Variants in KIF1B observed in about 807,000 individuals in gnomAD.
KIF1B encodes the protein kinesin family member 1B, also known as kinesin-like protein KIF1B.
Under a neutral mutation model 241.9 loss-of-function variants are expected in KIF1B, and 76 were observed. The ratio of observed to expected loss-of-function variants is 0.31; its 90% CI spans 0.26 to 0.38. KIF1B has a LOEUF of 0.38. Among genes scored for constraint, KIF1B ranks in the 10% least tolerant of loss-of-function variants. The pLI is 1.00. For missense variants in KIF1B, 1,622 were observed against 2,271.4 expected, an observed-to-expected ratio of 0.71 and a Z score of 5.81; for synonymous variants, 750 against 796.7, an observed-to-expected ratio of 0.94 and a Z score of 0.99.
rs1482982462 is a variant in KIF1B, at chr1:10,210,657, G to T, written c.-301G>T. The T allele has an allele frequency of 6.6e-6, 1 of 152,202 alleles. No homozygotes were observed. Among genetic ancestry groups the T allele is most frequent in the Non-Finnish European group, 1.5e-5 (1 of 68,468 alleles). 9.4% of individuals were successfully genotyped at this position (152,202 alleles called of 1,614,324 possible). On this transcript the variant is annotated 5_prime_UTR_variant, in exon 1 of 49. Transcript: ENST00000676179. The surrounding 1 kb of genome is among the most constrained non-coding windows in gnomAD (Gnocchi z 4.1). ...AGCCGTCACCGCCGGCCGTCGCCGC[G>T]CCCTGGCCTCCCGCACTCGCGCACT... is the stretch of plus-strand genomic sequence containing the variant.
intron 40 of KIF1B, among the ~76,000 whole-genome samples, chr1:10,362,530 A>G (rs1638452631): frequency 6.6e-6 from 1 of 151,694 alleles, no homozygotes; most frequent in South Asian, 2.1e-4. Flanking sequence ...AAGAAACAAT[A>G]CAATGAATAC....
At chr1:10,345,754 G>C (rs1652565213) in intron 34 of KIF1B, 91 bp from the exon 35 acceptor site, 1 of 907,652 alleles carries the variant, frequency 1.1e-6, no homozygotes, top group Admixed American at 2.0e-5. Flanking sequence ...CCTTTCCCAA[G>C]TATGTCTTTA....
At chr1:10,342,401 A>G (rs868623719) in intron 33 of KIF1B, among the ~76,000 whole-genome samples, 1 of 152,236 alleles carries the variant, frequency 6.6e-6, no homozygotes, top group Non-Finnish European at 1.5e-5. Flanking sequence ...TTTTGTAGGA[A>G]GAGACTTTGA....
rs577076950 is a variant in KIF1B at position 10,271,170 on chromosome 1, CTT to C, written c.721-322_721-321del. Among the ~76,000 whole-genome samples, 7 of 142,042 alleles carry C rather than the reference CTT, an allele frequency of 4.9e-5. No individual in the cohort carries two copies. The East Asian group carries it at 1.2e-3, about 25-fold the overall frequency. 93.2% of individuals were successfully genotyped at this position (142,042 alleles called of 152,430 possible). A position where few individuals can be genotyped will look rare whatever the true frequency, so the allele number is the denominator to read the frequency against. On this transcript the variant is annotated intron_variant, in intron 7 of 48. Transcript: ENST00000676179. ...AATTGCTATGAATTTTGTGCATGCT[CTT>C]TTTTTTTTTAATTAAAAAAAATTTT...
At position 10,374,424 on chromosome 1, in the gene KIF1B, A is replaced by G. The variant is rs1638830108; in HGVS notation, c.5055A>G (p.Glu1685=). Residue 1685 remains glutamate (E), a synonymous_variant, in exon 46 of 49, where the codon GAA becomes GAG. Transcript: ENST00000676179. This position sits in a 1 kb window ranked among gnomAD's most constrained non-coding sequence, Gnocchi z 4.3. The stretch of plus-strand genomic sequence containing the variant: ...ATTTGGCCCGAGCAGGAAAAAACGA[A>G]TTTCTCAATCTTGTTCCAGATATTG... The part of the protein sequence containing the change: ...TPYLARAGKN[E]FLNLVPDIEE... The G allele has an allele frequency of 6.2e-7, 1 of 1,614,102 alleles. No individual in the cohort carries two copies. The highest frequency in any genetic ancestry group is 1.1e-5 in the South Asian group (1 of 91,090).
chr1:10,345,474 G>C (rs893161857), intron 34 of KIF1B: 1 of 302,516 alleles, frequency 3.3e-6, no homozygotes, highest in African/African-American at 2.2e-5. Context: ...CCCCTGTGAC[G>C]TGAGGCTTTC....
chr1:10,309,152 CATT>C (rs751773950), intron 22 of KIF1B, among the ~76,000 whole-genome samples: 67 of 152,146 alleles, frequency 4.4e-4, no homozygotes, highest in Non-Finnish European at 4.4e-4. Context: ...TTGGACCTGA[CATT>C]ATTTTTTAAT....
intron 1 of KIF1B, among the ~76,000 whole-genome samples, chr1:10,223,894 G>A (rs1646878169): frequency 6.6e-6 from 1 of 152,054 alleles, no homozygotes; most frequent in African/African-American, 2.4e-5. Flanking sequence ...TTAGGTTTAG[G>A]TTGTTTTGAG....
rs758122963 is a variant in KIF1B at position 10,303,915 on chromosome 1, G to T, written c.2115+6669G>T. 5 of 1,614,062 alleles carry T rather than the reference G, an allele frequency of 3.1e-6. No homozygotes were observed. In the African/African-American group the frequency reaches 6.7e-5, roughly 22 times the overall value. On this transcript the variant is annotated intron_variant, in intron 22 of 48. Transcript: ENST00000676179. The surrounding 1 kb of genome is among the most constrained non-coding windows in gnomAD (Gnocchi z 5.2). Reference sequence around the variant, plus strand: ...AACGTGTTTCCCAGCTGATGAATGGGGATCCAGCTTTTAGACGTGGACGTC... The same window carrying T: ...AACGTGTTTCCCAGCTGATGAATGGTGATCCAGCTTTTAGACGTGGACGTC...
At chr1:10,229,062 G>A (rs1329574207) in intron 1 of KIF1B, among the ~76,000 whole-genome samples, 3 of 152,176 alleles carry the variant, frequency 2.0e-5, no homozygotes, top group Non-Finnish European at 4.4e-5. Context: ...AGGTTGCAAT[G>A]TGTTTTATGT....
chr1:10,290,862 C>CA lies in KIF1B; in HGVS notation c.1435-208dup, dbSNP rs776172988. Among the ~76,000 whole-genome samples the CA allele has an allele frequency of 6.3e-3, 810 of 129,420 alleles. 1 individual carries two copies. Among genetic ancestry groups the CA allele is most frequent in the Non-Finnish European group, 8.7e-3 (521 of 59,852 alleles). 84.9% of individuals were successfully genotyped at this position (129,420 alleles called of 152,430 possible). A position where few individuals can be genotyped will look rare whatever the true frequency, so the allele number is the denominator to read the frequency against. ...CTGGTGACAAAGGAAGACTCCGTCTCAAAAAAAAAAAAGACTTGGAGGATT... is the reference window on the plus strand; with the variant it reads ...CTGGTGACAAAGGAAGACTCCGTCTCAAAAAAAAAAAAAGACTTGGAGGATT... On this transcript the variant is annotated intron_variant, in intron 15 of 48. Coordinates refer to ENST00000676179, the MANE Select transcript of KIF1B (RefSeq NM_001365951.3).
Position 10,326,145 on chromosome 1 carries a change from C to T in KIF1B, c.2710C>T (p.Leu904Phe). 1 of 1,614,134 alleles carries T rather than the reference C, an allele frequency of 6.2e-7. No homozygotes were observed. Among genetic ancestry groups the T allele is most frequent in the South Asian group, 1.1e-5 (1 of 91,074 alleles). ...TTTCCACGGCTGTGTGAACGAGCGCCTTGCCGACCGCACACCCTCCCCCAC... is the reference window on the plus strand; with the variant it reads ...TTTCCACGGCTGTGTGAACGAGCGCTTTGCCGACCGCACACCCTCCCCCAC... ...PIFHGCVNERLADRTPSPTFS... is the reference protein window; with the variant it reads ...PIFHGCVNERFADRTPSPTFS... Residue 904 changes from leucine (L) to phenylalanine (F), a missense_variant, in exon 27 of 49, where the codon CTT becomes TTT. Leu to Phe is a conservative substitution (Grantham distance 22, BLOSUM62 0). This residue lies in a region of KIF1B where 803 missense variants were observed against 1,112.0 expected (regional missense o/e 0.72). Transcript: ENST00000676179. This position sits in a 1 kb window ranked among gnomAD's most constrained non-coding sequence, Gnocchi z 5.2.
At chr1:10,249,817 C>G (rs1647339533) in intron 2 of KIF1B, among the ~76,000 whole-genome samples, 1 of 152,138 alleles carries the variant, frequency 6.6e-6, no homozygotes, top group African/African-American at 2.4e-5. Flanking sequence ...GTGGGAGGAT[C>G]ACTTGAGCCC....
intron 1 of KIF1B, among the ~76,000 whole-genome samples, chr1:10,229,867 C>CAAAAAAAAAAAAAAAAAAA (rs58923572): frequency 1.4e-4 from 8 of 56,476 alleles, no homozygotes; most frequent in African/African-American, 7.4e-4. Flanking sequence ...GACTCCGTCT[C>CAAAAAAAAAAAAAAAAAAA]AAAAAAAAAA....
At chr1:10,351,410 C>T (rs1423100979) in intron 37 of KIF1B, among the ~76,000 whole-genome samples, 2 of 152,126 alleles carry the variant, frequency 1.3e-5, no homozygotes, top group East Asian at 1.9e-4. Flanking sequence ...ATGCCAGGTG[C>T]TTTTCTGAAT....
intron 10 of KIF1B, 91 bp from the exon 11 acceptor site, chr1:10,275,337 A>T: frequency 1.3e-6 from 1 of 758,182 alleles, no homozygotes; most frequent in Non-Finnish European, 2.4e-6. Flanking sequence ...ACTGTAATTT[A>T]ATTTACTTGG....
intron 17 of KIF1B, among the ~76,000 whole-genome samples, chr1:10,294,404 G>A (rs1403803385): frequency 6.6e-6 from 1 of 151,606 alleles, no homozygotes; most frequent in Non-Finnish European, 1.5e-5. Context: ...AGTGGGAAGT[G>A]GTGGGGGGGT....
chr1:10,273,576 TA>T (rs1648918603), intron 10 of KIF1B, among the ~76,000 whole-genome samples: 1 of 151,958 alleles, frequency 6.6e-6, no homozygotes, highest in Admixed American at 6.6e-5. Context: ...TTGAACCTGC[TA>T]TTGGAAATGA....
intron 5 of KIF1B, among the ~76,000 whole-genome samples, chr1:10,265,042 C>T (rs188023515): frequency 0.019 from 2,893 of 151,756 alleles, 41 homozygotes; most frequent in Non-Finnish European, 0.028. Flanking sequence ...AAACAGGGTT[C>T]GCTGCAGCCT....
Sources: gnomAD v4.1 joint callset for allele counts (sites outside exome capture counted in the v4.1 genomes callset) on GRCh38, gnomAD v4.1.1 for gene constraint, gnomAD v4.1.1 regional missense constraint, Gnocchi (gnomAD v3.1) non-coding constraint, MANE v1.5 for transcripts, NCBI Gene and HGNC (gene_info 2026-07-23, HGNC 2026-07-21) for gene names.